Variants in CCT7 observed in about 807,000 individuals in gnomAD.
The protein encoded by CCT7 is T-complex protein 1 subunit eta.
CCT7 carries 16 observed loss-of-function variants against 56.6 expected under a neutral mutation model. The observed-to-expected ratio is 0.28, with a 90% CI of 0.19 to 0.43. The LOEUF (loss-of-function observed/expected upper bound fraction) is 0.43. Among genes scored for constraint, CCT7 ranks in the 20% least tolerant of loss-of-function variants. The pLI, the probability that CCT7 is intolerant of heterozygous loss-of-function variation, is 1.00. For synonymous variants in CCT7, 262 were observed against 254.8 expected (o/e 1.03, Z -0.27); for missense variants, 519 against 685.6 (o/e 0.76, Z 2.71).
intron 7 of CCT7, 144 bp downstream of exon 7, chr2:73,248,070 A>C (rs1687420625): frequency 1.4e-6 from 1 of 724,042 alleles, no homozygotes; most frequent in East Asian, 2.7e-5. Context: ...CCTTCTTTCC[A>C]TACTCTGTGT....
At position 73,244,658 on chromosome 2, in the gene CCT7, T is replaced by C. The variant is rs748987122; in HGVS notation, c.561T>C (p.Asp187=). 2.5e-6 allele frequency: 4 copies of C among 1,613,874 alleles called. No individual in the cohort carries two copies. The highest frequency in any genetic ancestry group is 3.4e-6 in the Non-Finnish European group (4 of 1,179,818). The part of the protein sequence containing the change: ...KMVVDAVMML[D]DLLQLKMIGI... ...TGGTGGATGCAGTGATGATGCTCGA[T>C]GATTTGCTGCAGCTTAAAATGATTG... Residue 187 remains aspartate (D), a synonymous_variant, in exon 6 of 12, where the codon GAT becomes GAC. Transcript: ENST00000258091.
chr2:73,236,605 C>T (rs1242361833), intron 1 of CCT7, among the ~76,000 whole-genome samples: 1 of 152,178 alleles, frequency 6.6e-6, no homozygotes, highest in Admixed American at 6.5e-5. Flanking sequence ...TCCCAAAGTG[C>T]TGGGATTACA....
chr2:73,240,492 C>T lies in CCT7; in HGVS notation c.216C>T (p.Val72=), dbSNP rs1687058961. 5 of 1,611,724 alleles carry T rather than the reference C, an allele frequency of 3.1e-6. No individual in the cohort carries two copies. Among genetic ancestry groups the T allele is most frequent in the Middle Eastern group, 3.3e-4 (2 of 6,060 alleles). ...CAATTCTGAAACTTCTTGATGTTGT[C>T]CATCCTGCAGCAAAGACTTTGGTAG... ...GATILKLLDV[V]HPAAKTLVDI... Residue 72 remains valine (V), a synonymous_variant, in exon 3 of 12, where the codon GTC becomes GTT. Transcript: ENST00000258091.
intron 3 of CCT7, among the ~76,000 whole-genome samples, chr2:73,241,887 C>T (rs1022490273): frequency 6.6e-6 from 1 of 151,698 alleles, no homozygotes; most frequent in Non-Finnish European, 1.5e-5. Flanking sequence ...ATTGCAGGCA[C>T]CCACCACCAC....
At chr2:73,242,055 GA>G (rs1172631753) in intron 3 of CCT7, among the ~76,000 whole-genome samples, 1 of 150,956 alleles carries the variant, frequency 6.6e-6, no homozygotes, top group Non-Finnish European at 1.5e-5. Context: ...CATAGTTTTT[GA>G]AATATAAAGA....
At chr2:73,234,417 G>A (rs1313273418) in intron 1 of CCT7, 33 bp downstream of exon 1, 5 of 1,612,138 alleles carry the variant, frequency 3.1e-6, no homozygotes, top group East Asian at 2.2e-5. Context: ...GTCGCCATCA[G>A]CTGCCATCTG....
chr2:73,247,318 G>A (rs1295619932), intron 6 of CCT7, among the ~76,000 whole-genome samples: 2 of 152,172 alleles, frequency 1.3e-5, no homozygotes, highest in East Asian at 1.9e-4. Context: ...ACATGGAGGT[G>A]TACAGGAGGA....
intron 1 of CCT7, among the ~76,000 whole-genome samples, chr2:73,234,716 AGGTCGGCCGTGGTTACGC>A (rs1178959239): frequency 6.6e-6 from 1 of 152,198 alleles, no homozygotes; most frequent in Non-Finnish European, 1.5e-5. Flanking sequence ...AAACGAGTGC[AGGTCGGCCGTGGTTACGC>A]GGTCGGCAGC....
At chr2:73,252,525 GCCA>G (rs1233612435) in intron 11 of CCT7, 112 bp from the exon 12 acceptor site, 26 of 778,450 alleles carry the variant, frequency 3.3e-5, no homozygotes, top group Non-Finnish European at 5.1e-5. Flanking sequence ...TCAGCGAAAT[GCCA>G]CCAAGTTCAG....
At chr2:73,244,399 A>C (rs1687243713) in intron 5 of CCT7, 145 bp from the exon 6 acceptor site, 1 of 681,150 alleles carries the variant, frequency 1.5e-6, no homozygotes, top group South Asian at 2.1e-5. Context: ...TCTGTCACTG[A>C]TAATCTGCCC....
chr2:73,252,904 A>C lies in CCT7; in HGVS notation c.*43A>C. 7.5e-6 allele frequency: 11 copies of C among 1,474,268 alleles called. No individual in the cohort carries two copies. The highest frequency in any genetic ancestry group is 9.4e-6 in the Non-Finnish European group (10 of 1,060,622). 91.3% of individuals were successfully genotyped at this position (1,474,268 alleles called of 1,614,324 possible). A position where few individuals can be genotyped will look rare whatever the true frequency, so the allele number is the denominator to read the frequency against. On this transcript the variant is annotated 3_prime_UTR_variant, in exon 12 of 12. Coordinates refer to ENST00000258091, the MANE Select transcript of CCT7 (RefSeq NM_006429.4). ...ACATGGCTGGCTGGCTGCTGGGTGC[A>C]CTTACCCTCCTTGGCTTGGTTACTT...
chr2:73,239,684 C>T lies in CCT7; in HGVS notation c.48C>T (p.Ser16=). The T allele has an allele frequency of 6.2e-7, 1 of 1,613,934 alleles. No homozygotes were observed. Among genetic ancestry groups the T allele is most frequent in the Non-Finnish European group, 8.5e-7 (1 of 1,179,836 alleles). The change falls in exon 2 of 12, where the codon TCC becomes TCT. Residue 16 remains serine (S), a synonymous_variant. Transcript: ENST00000258091. The part of the protein sequence containing the change: ...VILLKEGTDS[S]QGIPQLVSNI... ...TATTGAAAGAGGGGACTGATAGCTC[C>T]CAAGGCATCCCCCAGCTTGTGAGTA...
chr2:73,244,374 T>C, intron 5 of CCT7, 170 bp from the exon 6 acceptor site: 2 of 621,558 alleles, frequency 3.2e-6, no homozygotes, highest in Non-Finnish European at 5.5e-6. Flanking sequence ...ATGAGATCTT[T>C]GACTGCAGTC....
At chr2:73,241,072 A>T (rs1247089901) in intron 3 of CCT7, among the ~76,000 whole-genome samples, 1 of 149,740 alleles carries the variant, frequency 6.7e-6, no homozygotes, top group East Asian at 1.9e-4. Context: ...TAAAACAGAC[A>T]TAATATTTAT....
chr2:73,248,384 T>C (rs931538272), intron 7 of CCT7, among the ~76,000 whole-genome samples: 2 of 151,612 alleles, frequency 1.3e-5, no homozygotes, highest in Non-Finnish European at 2.9e-5. Context: ...GGAGTCTCGC[T>C]CTGTTGCCCA....
intron 11 of CCT7, among the ~76,000 whole-genome samples, chr2:73,251,979 A>G (rs189378639): frequency 1.3e-5 from 2 of 151,852 alleles, no homozygotes; most frequent in Non-Finnish European, 2.9e-5. Flanking sequence ...ATGGTACCAC[A>G]GGAGGAACCT....
intron 6 of CCT7, 114 bp downstream of exon 6, chr2:73,244,829 G>A (rs1054955295): frequency 1.6e-5 from 12 of 759,412 alleles, no homozygotes; most frequent in Non-Finnish European, 2.4e-5. Flanking sequence ...ATGTTAGGCA[G>A]GAAGTCAGAC....
At chr2:73,250,500 G>T in intron 10 of CCT7, 62 bp downstream of exon 10, 1 of 1,588,780 alleles carries the variant, frequency 6.3e-7, no homozygotes, top group South Asian at 1.1e-5. Context: ...TAGCTGATCA[G>T]ACCTTGGATT....
intron 1 of CCT7, among the ~76,000 whole-genome samples, chr2:73,236,428 A>G (rs1479508553): frequency 1.3e-5 from 2 of 151,054 alleles, no homozygotes; most frequent in Non-Finnish European, 2.9e-5. Flanking sequence ...TGCAACCTCC[A>G]TTCCCAGGTT....
Sources: allele counts gnomAD v4.1 joint callset (sites outside exome capture counted in the v4.1 genomes callset), GRCh38; gene constraint gnomAD v4.1.1; transcripts MANE v1.5; gene names NCBI Gene and HGNC (gene_info 2026-07-23, HGNC 2026-07-21).